CAPSL: variants seen among roughly 807,000 people sequenced by gnomAD.
The protein encoded by CAPSL is calcyphosin-like protein.
CAPSL carries 17 observed loss-of-function variants against 21.3 expected under a neutral mutation model. The ratio of observed to expected loss-of-function variants is 0.80; its 90% CI spans 0.55 to 1.20. CAPSL has a LOEUF of 1.20. CAPSL is among the 50% of genes most tolerant of loss of function. The pLI, the probability that CAPSL is intolerant of heterozygous loss-of-function variation, is 0.00. For synonymous variants in CAPSL, 102 were observed against 89.3 expected (o/e 1.14, Z -0.80); for missense variants, 289 against 259.3 (o/e 1.11, Z -0.79).
At chr5:35,907,579 T>C (rs1760707657) in intron 4 of CAPSL, among the ~76,000 whole-genome samples, 1 of 152,194 alleles carries the variant, frequency 6.6e-6, no homozygotes, top group African/African-American at 2.4e-5. Flanking sequence ...TTCCGGCTGC[T>C]ATGGGAGTCC....
chr5:35,926,822 G>A (rs1738698225), intron 1 of CAPSL, among the ~76,000 whole-genome samples: 1 of 152,136 alleles, frequency 6.6e-6, no homozygotes, highest in East Asian at 1.9e-4. Flanking sequence ...AAATCCAATG[G>A]AAACTTCTCA....
At chr5:35,921,657 G>A (rs1012776814) in intron 1 of CAPSL, among the ~76,000 whole-genome samples, 4 of 152,132 alleles carry the variant, frequency 2.6e-5, no homozygotes, top group Non-Finnish European at 4.4e-5. Flanking sequence ...CTTAGGATGG[G>A]TGCAGTGAAG....
In CAPSL at chr5:35,938,580, A is replaced by G. The variant is rs1324935768; in HGVS notation, c.-40T>C. On this transcript the variant is annotated 5_prime_UTR_variant, in exon 1 of 5. Coordinates refer to ENST00000651391, the MANE Select transcript of CAPSL (RefSeq NM_001042625.2). ...TTTTGCCACCAGTTGCTTCGAACTG[A>G]AACTATGGACGCTGTCTCCTGCATC... 1 of 153,134 alleles carries G rather than the reference A, an allele frequency of 6.5e-6. No homozygotes were observed. Among genetic ancestry groups the G allele is most frequent in the Non-Finnish European group, 1.5e-5 (1 of 68,032 alleles). The allele number at this position is 153,134 out of a possible 1,614,324, so 9.5% of individuals were successfully genotyped here. A position where few individuals can be genotyped will look rare whatever the true frequency, so the allele number is the denominator to read the frequency against.
intron 2 of CAPSL, among the ~76,000 whole-genome samples, chr5:35,911,697 A>G (rs1389004770): frequency 6.6e-6 from 1 of 152,238 alleles, no homozygotes; most frequent in African/African-American, 2.4e-5. Context: ...GTTAATAATC[A>G]TGTGCTGGCA....
intron 2 of CAPSL, among the ~76,000 whole-genome samples, chr5:35,917,587 A>G (rs1445926955): frequency 4.6e-5 from 7 of 152,192 alleles, no homozygotes; most frequent in Admixed American, 3.9e-4. Context: ...GAAGCTGGAA[A>G]CCATCATTCT....
intron 2 of CAPSL, among the ~76,000 whole-genome samples, chr5:35,918,582 G>C (rs1342119916): frequency 6.6e-6 from 1 of 152,168 alleles, no homozygotes; most frequent in Admixed American, 6.6e-5. Context: ...TGCACGTTCT[G>C]CCCATGTATC....
chr5:35,936,372 G>T (rs150939163), intron 1 of CAPSL, among the ~76,000 whole-genome samples: 1 of 152,020 alleles, frequency 6.6e-6, no homozygotes, highest in Non-Finnish European at 1.5e-5. Context: ...TCATGAATCC[G>T]CTGTGGTCCC....
intron 2 of CAPSL, among the ~76,000 whole-genome samples, chr5:35,912,083 G>A (rs907904463): frequency 1.3e-5 from 2 of 152,162 alleles, no homozygotes; most frequent in African/African-American, 4.8e-5. Context: ...TGGCTCGGAG[G>A]ATCCGACACC....
intron 1 of CAPSL, among the ~76,000 whole-genome samples, chr5:35,928,758 G>T (rs10074186): frequency 3.9e-4 from 59 of 152,282 alleles, no homozygotes; most frequent in African/African-American, 1.4e-3. Context: ...AGATACACAA[G>T]ATGGCCCCTG....
rs1760637841 is a variant in CAPSL at position 35,904,701 on chromosome 5, G to A, written c.526-55C>T. On this transcript the variant is annotated intron_variant, in intron 4 of 4. Transcript: ENST00000651391. ...AAACTTTGCTTCTCACTCTGTCAAT[G>A]GGCGCCCACCTTGTGCACCTGTAAA... is the stretch of plus-strand genomic sequence containing the variant. The A allele has an allele frequency of 5.6e-6, 9 of 1,606,354 alleles. No individual in the cohort carries two copies. In the South Asian group the frequency reaches 8.9e-5, roughly 16 times the overall value.
At chr5:35,921,174 G>T (rs76940881) in intron 1 of CAPSL, 54 bp from the exon 2 acceptor site, 1 of 1,584,932 alleles carries the variant, frequency 6.3e-7, no homozygotes. Flanking sequence ...GCTGCCTCTG[G>T]CTGGGCAGAG....
At chr5:35,919,919 A>T (rs1738492441) in intron 2 of CAPSL, among the ~76,000 whole-genome samples, 1 of 152,108 alleles carries the variant, frequency 6.6e-6, no homozygotes, top group South Asian at 2.1e-4. Context: ...TGAACCAGAG[A>T]GTGGAAGAGA....
chr5:35,936,828 TA>T (rs1738959148), intron 1 of CAPSL, among the ~76,000 whole-genome samples: 1 of 152,200 alleles, frequency 6.6e-6, no homozygotes. Flanking sequence ...AACAAATCTT[TA>T]TTCCAATGTA....
intron 1 of CAPSL, among the ~76,000 whole-genome samples, chr5:35,934,621 T>G (rs973698769): frequency 6.6e-6 from 1 of 152,128 alleles, no homozygotes; most frequent in African/African-American, 2.4e-5. Flanking sequence ...AAGCCACAGT[T>G]TTTCAGTGAC....
At chr5:35,926,571 AT>A (rs1738690977) in intron 1 of CAPSL, among the ~76,000 whole-genome samples, 1 of 152,226 alleles carries the variant, frequency 6.6e-6, no homozygotes, top group Admixed American at 6.5e-5. Context: ...TCAGAGACAG[AT>A]TTAAGAGGAC....
At chr5:35,920,908 C>A (rs1415054848) in intron 2 of CAPSL, 76 bp downstream of exon 2, 4 of 1,505,302 alleles carry the variant, frequency 2.7e-6, no homozygotes, top group Middle Eastern at 3.5e-4. Context: ...CCCAAGACCA[C>A]GTGGCCAACA....
At chr5:35,905,735 T>G (rs1246733729) in intron 4 of CAPSL, among the ~76,000 whole-genome samples, 1 of 152,220 alleles carries the variant, frequency 6.6e-6, no homozygotes, top group Non-Finnish European at 1.5e-5. Flanking sequence ...GTTTCACACA[T>G]CATTATTGCC....
At chr5:35,911,107 C>T (rs908859132) in intron 2 of CAPSL, among the ~76,000 whole-genome samples, 3 of 152,326 alleles carry the variant, frequency 2.0e-5, no homozygotes, top group Non-Finnish European at 2.9e-5. Flanking sequence ...GAAATCCCTA[C>T]ATCCATACTG....
intron 1 of CAPSL, among the ~76,000 whole-genome samples, chr5:35,929,312 TCTCG>T (rs1208293462): frequency 1.5e-5 from 2 of 137,172 alleles, no homozygotes; most frequent in Non-Finnish European, 3.1e-5. Context: ...TGAAACAGAG[TCTCG>T]CTCTGTTGCC....
Sources: gnomAD v4.1 joint callset for allele counts (sites outside exome capture counted in the v4.1 genomes callset) on GRCh38, gnomAD v4.1.1 for gene constraint, MANE v1.5 for transcripts, NCBI Gene and HGNC (gene_info 2026-07-23, HGNC 2026-07-21) for gene names.